The following SMARCA2 variants were observed in gnomAD, a reference collection of about 807,000 sequenced individuals.
SMARCA2 encodes the protein SWI/SNF-related matrix-associated actin-dependent regulator of chromatin subfamily A member 2.
In SMARCA2, 61 loss-of-function variants were observed where a neutral mutation model predicts 199.8. The ratio of observed to expected loss-of-function variants is 0.31; its 90% confidence interval spans 0.25 to 0.38. The LOEUF (loss-of-function observed/expected upper bound fraction) is 0.38. Among genes scored for constraint, SMARCA2 ranks in the 10% least tolerant of loss-of-function variants. The pLI, the probability that SMARCA2 is intolerant of heterozygous loss-of-function variation, is 1.00. For missense variants in SMARCA2, 1,344 were observed against 2,012.2 expected (o/e 0.67, Z 6.35); for synonymous variants, 935 against 732.0 (o/e 1.28, Z -4.48).
chr9:2,155,691 T>C (rs1349482202), intron 27 of SMARCA2, among the ~76,000 whole-genome samples: 1 of 146,398 alleles, frequency 6.8e-6, no homozygotes, highest in Non-Finnish European at 1.5e-5. Flanking sequence ...CACCTCCATG[T>C]GCTTATGGCA....
chr9:2,070,779 A>G (rs914269288), intron 10 of SMARCA2, among the ~76,000 whole-genome samples: 2 of 152,254 alleles, frequency 1.3e-5, no homozygotes, highest in African/African-American at 4.8e-5. Context: ...AAATGATTCT[A>G]TAATTATATT....
chr9:2,150,820 C>G (rs1451517920), intron 27 of SMARCA2, among the ~76,000 whole-genome samples: 1 of 151,562 alleles, frequency 6.6e-6, no homozygotes, highest in Non-Finnish European at 1.5e-5. Context: ...TCTGAGACTT[C>G]TCCCCTTGGC....
Position 2,099,635 on chromosome 9 carries a change from T to C in SMARCA2, c.3079-1935T>C, listed in dbSNP as rs544958408. On this transcript the variant is annotated intron_variant, in intron 21 of 33. Transcript: ENST00000349721. Reference sequence around the variant, plus strand: ...GGCAGACTCTGATTTGCAATTTTTTTCCCTAGAAACAAGAGATCCACAGTT... The same window carrying C: ...GGCAGACTCTGATTTGCAATTTTTTCCCCTAGAAACAAGAGATCCACAGTT... Among the ~76,000 whole-genome samples the C allele has an allele frequency of 1.4e-4, 22 of 152,206 alleles. 1 individual carries two copies. The South Asian group carries it at 3.1e-3, about 22-fold the overall frequency.
At position 2,020,904 on chromosome 9, in the gene SMARCA2, A is replaced by T. The variant is rs75620063; in HGVS notation, c.-37+5500A>T. Among the ~76,000 whole-genome samples, 101 of 152,320 alleles carry T rather than the reference A, an allele frequency of 6.6e-4. No individual in the cohort carries two copies. In the East Asian group the frequency reaches 0.018, roughly 28 times the overall value. ...ATATGGAATACAAGATTTTGGCCTG[A>T]AACTCTGACATAATGTCCTTCTGGA... On this transcript the variant is annotated intron_variant, in intron 1 of 33. Coordinates refer to ENST00000349721, the MANE Select transcript of SMARCA2 (RefSeq NM_003070.5).
rs57873443 is a variant in SMARCA2 at position 2,184,849 on chromosome 9, C to CCT, written c.4462-1235_4462-1234dup. Among the ~76,000 whole-genome samples, 432 of 151,140 alleles carry CCT rather than the reference C, an allele frequency of 2.9e-3. 2 individuals carry two copies. The highest frequency in any genetic ancestry group is 6.7e-3 in the South Asian group (32 of 4,778). ...GAAAATTCTGCCCTGATGGTCCCAT[C>CCT]CTCTCTCTCTCTCGCGCGGGTCCTT... On this transcript the variant is annotated intron_variant, in intron 31 of 33. Transcript: ENST00000349721.
chr9:2,051,274 G>A (rs189190076), intron 5 of SMARCA2, among the ~76,000 whole-genome samples: 8 of 152,196 alleles, frequency 5.3e-5, no homozygotes, highest in East Asian at 3.9e-4. Flanking sequence ...TAGAGTTTGC[G>A]CTTTGTACTT....
chr9:2,037,304 A>G (rs1181945347), intron 3 of SMARCA2, among the ~76,000 whole-genome samples: 2 of 152,192 alleles, frequency 1.3e-5, no homozygotes, highest in Non-Finnish European at 2.9e-5. Flanking sequence ...TTTCAAGGGA[A>G]TTTTCTTGGC....
chr9:2,111,574 G>C (rs980358103), intron 24 of SMARCA2, among the ~76,000 whole-genome samples: 3 of 151,546 alleles, frequency 2.0e-5, no homozygotes, highest in Non-Finnish European at 4.4e-5. Flanking sequence ...GCTTTTCCTA[G>C]GCTCCTCGTT....
At chr9:2,151,650 T>C (rs1381568359) in intron 27 of SMARCA2, among the ~76,000 whole-genome samples, 1 of 152,130 alleles carries the variant, frequency 6.6e-6, no homozygotes, top group Non-Finnish European at 1.5e-5. Context: ...TGAGAATCTC[T>C]TGAACCCAGG....
chr9:2,186,472 G>C (rs908347861), intron 32 of SMARCA2, among the ~76,000 whole-genome samples: 1 of 152,150 alleles, frequency 6.6e-6, no homozygotes, highest in Middle Eastern at 3.4e-3. Flanking sequence ...GCATAGGCTG[G>C]GCTCCTAGCA....
chr9:2,073,198 T>G lies in SMARCA2; in HGVS notation c.1747-14T>G, dbSNP rs1301677304. The G allele has an allele frequency of 1.9e-6, 3 of 1,613,754 alleles. No homozygotes were observed. Among genetic ancestry groups the G allele is most frequent in the Non-Finnish European group, 2.5e-6 (3 of 1,179,952 alleles). ...TTAACATGAAACCGTGACATGATTTTCCCTCCTTTGTAGCCCATAGATGAG... is the reference window on the plus strand; with the variant it reads ...TTAACATGAAACCGTGACATGATTTGCCCTCCTTTGTAGCCCATAGATGAG... On this transcript the variant is annotated splice_polypyrimidine_tract_variant and intron_variant, in intron 10 of 33. Coordinates refer to ENST00000349721, the MANE Select transcript of SMARCA2 (RefSeq NM_003070.5).
chr9:2,162,562 C>T (rs1230640398), intron 28 of SMARCA2, among the ~76,000 whole-genome samples: 2 of 152,256 alleles, frequency 1.3e-5, no homozygotes, highest in East Asian at 1.9e-4. Context: ...TCAGTCAGAT[C>T]CATACAGTAG....
At chr9:2,082,878 A>G (rs1247877752) in intron 15 of SMARCA2, among the ~76,000 whole-genome samples, 1 of 152,198 alleles carries the variant, frequency 6.6e-6, no homozygotes, top group Non-Finnish European at 1.5e-5. Flanking sequence ...TCTGAATCAT[A>G]TATACAGTGA....
At chr9:2,124,297 G>GAA (rs1291917118) in intron 27 of SMARCA2, among the ~76,000 whole-genome samples, 1 of 152,192 alleles carries the variant, frequency 6.6e-6, no homozygotes, top group African/African-American at 2.4e-5. Context: ...TCAAAATGTG[G>GAA]AAGGGCACCT....
At chr9:2,078,168 T>C (rs1821407892) in intron 14 of SMARCA2, among the ~76,000 whole-genome samples, 1 of 152,190 alleles carries the variant, frequency 6.6e-6, no homozygotes, top group African/African-American at 2.4e-5. Flanking sequence ...ACTACATTTA[T>C]GCTTTTTCTT....
Position 2,170,470 on chromosome 9 carries a change from C to A in SMARCA2, c.4251C>A (p.Asn1417Lys). ...PSNSQLEIEG[N>K]SSGRQLSEVF... ...ATTCTCAGTTGGAAATAGAAGGAAA[C>A]AGGTCAGGATCTGTCTTGTATTCCC... The change falls in exon 29 of 34, where the codon AAC becomes AAA. Residue 1417 changes from asparagine to lysine, a missense_variant and splice_region_variant. By Grantham distance (94) the Asn-to-Lys change is moderately conservative. This residue lies in a region of SMARCA2 where 151 missense variants were observed against 154.0 expected (regional missense o/e 0.98). Coordinates refer to ENST00000349721, the MANE Select transcript of SMARCA2 (RefSeq NM_003070.5). This position sits in a 1 kb window ranked among gnomAD's most constrained non-coding sequence, Gnocchi z 4.7. The A allele has an allele frequency of 6.2e-7, 1 of 1,614,110 alleles. No individual in the cohort carries two copies. Among genetic ancestry groups the A allele is most frequent in the South Asian group, 1.1e-5 (1 of 91,078 alleles).
At chr9:2,191,099 AAG>A (rs764588834) in intron 32 of SMARCA2, among the ~76,000 whole-genome samples, 165 bp from the exon 33 acceptor site, 1 of 152,138 alleles carries the variant, frequency 6.6e-6, no homozygotes, top group Non-Finnish European at 1.5e-5. Context: ...TGGCAAGTGA[AAG>A]GGGTCGCTGA....
chr9:2,171,557 T>C (rs1412323319), intron 29 of SMARCA2, among the ~76,000 whole-genome samples: 1 of 152,244 alleles, frequency 6.6e-6, no homozygotes. Flanking sequence ...CAATGACTAA[T>C]CCTGGAAACC....
At chr9:2,188,512 A>T (rs759681930) in intron 32 of SMARCA2, among the ~76,000 whole-genome samples, 16 of 152,210 alleles carry the variant, frequency 1.1e-4, no homozygotes, top group Non-Finnish European at 2.4e-4. Context: ...GCATTTGAAT[A>T]CATCTGCATC....
Sources: allele counts gnomAD v4.1 joint callset (sites outside exome capture counted in the v4.1 genomes callset), GRCh38; gene constraint gnomAD v4.1.1; regional missense constraint gnomAD v4.1.1; non-coding constraint Gnocchi (gnomAD v3.1); transcripts MANE v1.5; gene names NCBI Gene and HGNC (gene_info 2026-07-23, HGNC 2026-07-21).